The following MAPK14 variants were observed in gnomAD, a reference collection of about 807,000 sequenced individuals.
MAPK14 encodes the protein mitogen-activated protein kinase 14, also known as CSAID-binding protein.
MAPK14 carries 16 observed loss-of-function variants against 49.6 expected under a neutral mutation model. The ratio of observed to expected loss-of-function variants is 0.32; its 90% CI spans 0.22 to 0.49. The LOEUF is 0.49. Ranked by LOEUF, MAPK14 falls within the 20% of genes least tolerant of loss-of-function variation. MAPK14 has a pLI of 0.99. For missense variants in MAPK14, 200 were observed against 441.2 expected (o/e 0.45, Z 4.90); for synonymous variants, 142 against 158.0 (o/e 0.90, Z 0.76).
At position 36,045,830 on chromosome 6, in the gene MAPK14, A is replaced by AAAAG. The variant is rs1245346660; in HGVS notation, c.117-6860_117-6857dup. Among the ~76,000 whole-genome samples the AAAAG allele has an allele frequency of 3.7e-4, 55 of 149,470 alleles. 1 individual carries two copies. The highest frequency in any genetic ancestry group is 1.5e-3 in the South Asian group (7 of 4,716). Reference sequence around the variant, plus strand: ...TCTCAAAAAAAAAAAAAAAAAAAAAAAAAGAAAGAAAGGACCTCATGATAT... The same window carrying AAAAG: ...TCTCAAAAAAAAAAAAAAAAAAAAAAAAAGAAAGAAAGAAAGGACCTCATGATAT... On this transcript the variant is annotated intron_variant, in intron 1 of 11. Transcript: ENST00000229794.
intron 3 of MAPK14, among the ~76,000 whole-genome samples, chr6:36,071,272 G>C (rs1764262557): frequency 6.6e-6 from 1 of 151,950 alleles, no homozygotes; most frequent in Non-Finnish European, 1.5e-5. Context: ...GGTGGAGGTT[G>C]CAGTGAGCCG....
chr6:36,092,756 A>AC, intron 8 of MAPK14: 1 of 260,942 alleles, frequency 3.8e-6, no homozygotes, highest in Middle Eastern at 1.2e-3. Context: ...GTGTCAGCAT[A>AC]CGCCGGTGTC....
chr6:36,059,604 G>T (rs1003305459), intron 3 of MAPK14, among the ~76,000 whole-genome samples: 1 of 152,222 alleles, frequency 6.6e-6, no homozygotes, highest in Non-Finnish European at 1.5e-5. Flanking sequence ...CATGGAGAAA[G>T]GAGTGGAGAG....
At chr6:36,068,661 C>T (rs1192768994) in intron 3 of MAPK14, among the ~76,000 whole-genome samples, 3 of 152,094 alleles carry the variant, frequency 2.0e-5, no homozygotes, top group East Asian at 1.9e-4. Flanking sequence ...CTATAGATAT[C>T]GAAGAGTTTT....
At chr6:36,085,386 G>T (rs759735462) in intron 8 of MAPK14, among the ~76,000 whole-genome samples, 3 of 152,166 alleles carry the variant, frequency 2.0e-5, no homozygotes, top group Non-Finnish European at 2.9e-5. Context: ...GCTGGATAAA[G>T]AATCACGACC....
At chr6:36,072,850 T>C (rs1015793541) in intron 3 of MAPK14, 23 bp from the exon 4 acceptor site, 7 of 1,259,484 alleles carry the variant, frequency 5.6e-6, no homozygotes, top group Non-Finnish European at 8.0e-6. Context: ...TAGATTGTTA[T>C]GTAACTTTTC....
At chr6:36,080,515 T>G (rs992579044) in intron 8 of MAPK14, among the ~76,000 whole-genome samples, 1 of 152,242 alleles carries the variant, frequency 6.6e-6, no homozygotes, top group East Asian at 1.9e-4. Flanking sequence ...TTCATGGTTC[T>G]TCCATGATGT....
At chr6:36,035,644 T>G (rs1174453972) in intron 1 of MAPK14, among the ~76,000 whole-genome samples, 1 of 151,882 alleles carries the variant, frequency 6.6e-6, no homozygotes, top group Non-Finnish European at 1.5e-5. Context: ...TGAATGCAAA[T>G]GAAAAGTTTT....
At chr6:36,082,090 T>C (rs1422959637) in intron 8 of MAPK14, among the ~76,000 whole-genome samples, 1 of 152,246 alleles carries the variant, frequency 6.6e-6, no homozygotes, top group Non-Finnish European at 1.5e-5. Flanking sequence ...GCAAATTTGC[T>C]CAATTTATTT....
intron 10 of MAPK14, among the ~76,000 whole-genome samples, chr6:36,104,698 T>G (rs1288415103): frequency 1.3e-5 from 2 of 152,226 alleles, no homozygotes; most frequent in Non-Finnish European, 2.9e-5. Flanking sequence ...GTCGTGTTCT[T>G]TCTTGTCGTC....
chr6:36,110,978 TGAAC>T lies in MAPK14; in HGVS notation c.*2535_*2538del, dbSNP rs1267389169. 1 of 152,116 alleles carries T rather than the reference TGAAC, an allele frequency of 6.6e-6. No individual in the cohort carries two copies. Among genetic ancestry groups the T allele is most frequent in the Non-Finnish European group, 1.5e-5 (1 of 68,006 alleles). The allele number at this position is 152,116 out of a possible 1,614,324, so 9.4% of individuals were successfully genotyped here. A position where few individuals can be genotyped will look rare whatever the true frequency, so the allele number is the denominator to read the frequency against. ...GTGGATGGGTAAAGCAAAGAGCAAA[TGAAC>T]GAAGTATTAAGCATTGGGGCCTGTC... On this transcript the variant is annotated 3_prime_UTR_variant, in exon 12 of 12. Coordinates refer to ENST00000229794, the MANE Select transcript of MAPK14 (RefSeq NM_139012.3).
chr6:36,061,750 T>C (rs557863403), intron 3 of MAPK14, among the ~76,000 whole-genome samples: 42 of 152,336 alleles, frequency 2.8e-4, no homozygotes, highest in African/African-American at 9.4e-4. Flanking sequence ...AAGCTACCAA[T>C]TGGCCATATG....
intron 1 of MAPK14, among the ~76,000 whole-genome samples, chr6:36,039,514 C>A (rs915207576): frequency 6.6e-6 from 1 of 152,120 alleles, no homozygotes; most frequent in South Asian, 2.1e-4. Flanking sequence ...TCATTCTACT[C>A]AAAAGTGTGT....
At chr6:36,074,771 A>G (rs1360276565) in intron 6 of MAPK14, among the ~76,000 whole-genome samples, 1 of 151,842 alleles carries the variant, frequency 6.6e-6, no homozygotes, top group Non-Finnish European at 1.5e-5. Flanking sequence ...GCACGCCATC[A>G]CACCCGGCTA....
intron 6 of MAPK14, among the ~76,000 whole-genome samples, chr6:36,075,521 T>A (rs1290027166): frequency 1.3e-5 from 2 of 152,214 alleles, no homozygotes. Context: ...ATCCACCTGC[T>A]GATGGACATT....
the MAPK14 span, among the ~76,000 whole-genome samples, chr6:36,120,613 C>T: frequency 8.5e-5 from 13 of 152,058 alleles, no homozygotes; most frequent in Admixed American, 2.6e-4. Flanking sequence ...CGGCTGTTTT[C>T]GCGTTTTCAC....
intron 1 of MAPK14, among the ~76,000 whole-genome samples, chr6:36,043,556 CAT>C (rs1227046782): frequency 5.9e-5 from 9 of 152,264 alleles, no homozygotes; most frequent in East Asian, 1.9e-4. Flanking sequence ...TAGAATGTAA[CAT>C]GTGCAGAAAA....
chr6:36,039,108 A>G (rs1762858332), intron 1 of MAPK14, among the ~76,000 whole-genome samples: 2 of 152,150 alleles, frequency 1.3e-5, no homozygotes, highest in African/African-American at 4.8e-5. Flanking sequence ...AATATATCAT[A>G]TAGATTGAAA....
Position 36,027,875 on chromosome 6 carries a change from AGGG to A in MAPK14, c.-281_-279del. The A allele has an allele frequency of 2.5e-6, 1 of 404,908 alleles. No homozygotes were observed. Among genetic ancestry groups the A allele is most frequent in the Non-Finnish European group, 4.3e-6 (1 of 230,664 alleles). The allele number at this position is 404,908 out of a possible 1,614,324, so 25.1% of individuals were successfully genotyped here. ...CGACGCAGCCCGGAGTCGGCCTTGTAGGGGCGAAGGTGCAGGGAGATCGCGGCG... is the reference window on the plus strand; with the variant it reads ...CGACGCAGCCCGGAGTCGGCCTTGTAGCGAAGGTGCAGGGAGATCGCGGCG... On this transcript the variant is annotated 5_prime_UTR_variant, in exon 1 of 12. Coordinates refer to ENST00000229794, the MANE Select transcript of MAPK14 (RefSeq NM_139012.3).
Sources: gnomAD v4.1 joint callset for allele counts (sites outside exome capture counted in the v4.1 genomes callset) on GRCh38, gnomAD v4.1.1 for gene constraint, MANE v1.5 for transcripts, NCBI Gene and HGNC (gene_info 2026-07-23, HGNC 2026-07-21) for gene names.